The following DAB1 variants were observed in gnomAD, a reference collection of about 807,000 sequenced individuals.
DAB1 encodes the protein disabled homolog 1.
DAB1 carries 15 observed loss-of-function variants against 64.6 expected under a neutral mutation model. The ratio of observed to expected loss-of-function variants is 0.23; its 90% CI spans 0.16 to 0.36. The LOEUF (loss-of-function observed/expected upper bound fraction) is 0.36, where lower values mean the gene tolerates loss of function less well. DAB1 is among the 10% of genes least tolerant of loss of function. DAB1 has a pLI of 1.00. For synonymous variants in DAB1, 235 were observed against 251.9 expected (o/e 0.93, Z 0.64); for missense variants, 596 against 706.7 (o/e 0.84, Z 1.78).
intron 4 of DAB1, among the ~76,000 whole-genome samples, chr1:58,292,057 C>CT (rs1433211042): frequency 6.6e-6 from 1 of 152,130 alleles, no homozygotes; most frequent in Non-Finnish European, 1.5e-5. Context: ...AATTTGTCCC[C>CT]TTTTTTTCTG....
At chr1:57,042,840 C>T (rs376940813) in intron 9 of DAB1, among the ~76,000 whole-genome samples, 11 of 151,722 alleles carry the variant, frequency 7.3e-5, no homozygotes, top group African/African-American at 1.9e-4. Context: ...CACATACACA[C>T]GATCACACAC....
chr1:58,079,322 C>G (rs1450112039), intron 5 of DAB1, among the ~76,000 whole-genome samples: 1 of 151,986 alleles, frequency 6.6e-6, no homozygotes, highest in African/African-American at 2.4e-5. Flanking sequence ...CTTACTGTGC[C>G]CATCCTCATT....
intron 7 of DAB1, among the ~76,000 whole-genome samples, chr1:57,540,017 G>A (rs910732811): frequency 2.0e-5 from 3 of 152,218 alleles, no homozygotes; most frequent in African/African-American, 7.2e-5. Context: ...GGCCCAAAGT[G>A]TTGACAAGAA....
At chr1:58,258,380 T>A (rs917434728) in intron 4 of DAB1, among the ~76,000 whole-genome samples, 4 of 152,228 alleles carry the variant, frequency 2.6e-5, no homozygotes, top group Non-Finnish European at 5.9e-5. Context: ...GCCTGAGATA[T>A]TTTGCAGGTC....
At position 57,113,846 on chromosome 1, in the gene DAB1, T is replaced by A. The variant is rs543206705; in HGVS notation, c.306+22697A>T. 6.9e-4 allele frequency among the ~76,000 whole-genome samples: 105 copies of A among 152,314 alleles called. 1 individual carries two copies. Among genetic ancestry groups the A allele is most frequent in the African/African-American group, 2.5e-3 (104 of 41,574 alleles). ...ATAGCACTGACTGAAATCCAGACCT[T>A]TCTCATTCCAAAGCATGTGATCTTT... On this transcript the variant is annotated intron_variant, in intron 4 of 14. Coordinates refer to ENST00000371236, the MANE Select transcript of DAB1 (RefSeq NM_001365792.1).
In DAB1 at chr1:57,000,295, C is replaced by T. The variant is rs530327076; in HGVS notation, c.*16-2167G>A. 1.3e-5 allele frequency among the ~76,000 whole-genome samples: 2 copies of T among 152,210 alleles called. 1 individual carries two copies. The highest frequency in any genetic ancestry group is 1.3e-4 in the Admixed American group (2 of 15,302). ...TCCTGACCTTGTGATCCGCCCACCTCGGCCTCCCAAAGTGCTGAGATTACA... is the reference window on the plus strand; with the variant it reads ...TCCTGACCTTGTGATCCGCCCACCTTGGCCTCCCAAAGTGCTGAGATTACA... On this transcript the variant is annotated intron_variant, in intron 14 of 14. Coordinates refer to ENST00000371236, the MANE Select transcript of DAB1 (RefSeq NM_001365792.1).
At chr1:57,977,613 A>T (rs889839362) in intron 5 of DAB1, among the ~76,000 whole-genome samples, 2 of 152,216 alleles carry the variant, frequency 1.3e-5, no homozygotes, top group Non-Finnish European at 2.9e-5. Context: ...TGGAGTAATA[A>T]GTCTAATATA....
intron 4 of DAB1, among the ~76,000 whole-genome samples, chr1:58,276,364 G>T (rs1388072228): frequency 6.6e-6 from 1 of 152,028 alleles, no homozygotes; most frequent in Non-Finnish European, 1.5e-5. Context: ...AAAGCAATGT[G>T]GCCTCTTTTT....
Position 57,205,370 on chromosome 1 carries a change from G to A in DAB1, c.68-59941C>T, listed in dbSNP as rs61765586. ...GTCTAGAGCAGTGGACAAAATAGGCGAAGTCTCTACTCTCTGAGCGTAGCC... is the reference window on the plus strand; with the variant it reads ...GTCTAGAGCAGTGGACAAAATAGGCAAAGTCTCTACTCTCTGAGCGTAGCC... On this transcript the variant is annotated intron_variant, in intron 2 of 14. Coordinates refer to ENST00000371236, the MANE Select transcript of DAB1 (RefSeq NM_001365792.1). Among the ~76,000 whole-genome samples, 1,303 of 152,300 alleles carry A rather than the reference G, an allele frequency of 8.6e-3. 35 individuals carry two copies. The East Asian group carries it at 0.095, about 11-fold the overall frequency.
At chr1:58,124,180 T>C (rs185457632) in intron 5 of DAB1, among the ~76,000 whole-genome samples, 4 of 151,600 alleles carry the variant, frequency 2.6e-5, no homozygotes, top group Admixed American at 6.6e-5. Flanking sequence ...AGATTATATA[T>C]ATATTCTTAG....
intron 2 of DAB1, among the ~76,000 whole-genome samples, chr1:58,522,123 C>T (rs1037767337): frequency 1.3e-5 from 2 of 152,050 alleles, no homozygotes; most frequent in Non-Finnish European, 1.5e-5. Flanking sequence ...TGCCCAATAA[C>T]AGATTAAAGG....
intron 1 of DAB1, among the ~76,000 whole-genome samples, chr1:57,324,555 G>A (rs900582436): frequency 5.9e-5 from 9 of 151,454 alleles, no homozygotes; most frequent in South Asian, 2.1e-4. Flanking sequence ...TTAGCAGTGC[G>A]CATTAGAGAG....
intron 7 of DAB1, among the ~76,000 whole-genome samples, chr1:57,475,804 G>C (rs564022603): frequency 6.6e-6 from 1 of 152,192 alleles, no homozygotes; most frequent in Admixed American, 6.5e-5. Flanking sequence ...CTCCTTGAGT[G>C]GGGGAACTGT....
chr1:57,275,413 G>T (rs1213031649), intron 2 of DAB1, among the ~76,000 whole-genome samples: 3 of 152,176 alleles, frequency 2.0e-5, no homozygotes, highest in African/African-American at 7.2e-5. Context: ...GAATAGGAAA[G>T]ATGACCAGAA....
intron 7 of DAB1, among the ~76,000 whole-genome samples, chr1:57,517,970 G>A (rs1644482230): frequency 6.6e-6 from 1 of 152,122 alleles, no homozygotes; most frequent in Non-Finnish European, 1.5e-5. Context: ...CCCAGCCTCT[G>A]TTGTCACACC....
intron 4 of DAB1, among the ~76,000 whole-genome samples, chr1:57,103,630 C>T (rs898684313): frequency 3.3e-5 from 5 of 152,074 alleles, no homozygotes; most frequent in Non-Finnish European, 5.9e-5. Context: ...GGAGGCGACA[C>T]AGGGAAGCAG....
At chr1:57,357,667 T>C (rs145842402) in intron 1 of DAB1, among the ~76,000 whole-genome samples, 271 of 152,028 alleles carry the variant, frequency 1.8e-3, no homozygotes, top group Middle Eastern at 0.01. Flanking sequence ...GAGGTTTAAT[T>C]GACTCAGTTC....
intron 3 of DAB1, among the ~76,000 whole-genome samples, chr1:58,346,015 C>T (rs942475054): frequency 4.6e-5 from 7 of 152,168 alleles, no homozygotes; most frequent in African/African-American, 1.7e-4. Context: ...CTTTTAACAA[C>T]TGCAGTTCAG....
At chr1:57,304,935 T>A (rs1326929304) in intron 1 of DAB1, among the ~76,000 whole-genome samples, 1 of 152,166 alleles carries the variant, frequency 6.6e-6, no homozygotes, top group Non-Finnish European at 1.5e-5. Context: ...CAGGTCAGCA[T>A]CCTTATGTGA....
Sources: gnomAD v4.1 joint callset for allele counts (sites outside exome capture counted in the v4.1 genomes callset) on GRCh38, gnomAD v4.1.1 for gene constraint, MANE v1.5 for transcripts, NCBI Gene and HGNC (gene_info 2026-07-23, HGNC 2026-07-21) for gene names.